GOLGA6L9: variants seen among roughly 807,000 people sequenced by gnomAD.
GOLGA6L9 encodes golgin A6 family like 9.
In GOLGA6L9, 19 loss-of-function variants were observed where a neutral mutation model predicts 51.3. That is an observed-to-expected ratio of 0.37 (90% CI 0.26 to 0.54). The LOEUF is 0.54. GOLGA6L9 is among the 20% of genes least tolerant of loss of function. The pLI, the probability that GOLGA6L9 is intolerant of heterozygous loss-of-function variation, is 0.83. For synonymous variants in GOLGA6L9, 97 were observed against 184.2 expected, an observed-to-expected ratio of 0.53 and a Z score of 3.83; for missense variants, 247 against 464.1, an observed-to-expected ratio of 0.53 and a Z score of 4.30.
the GOLGA6L9 span, chr15:82,418,784 T>C: frequency 6.6e-6 from 1 of 152,226 alleles, no homozygotes. Flanking sequence ...TGTTCATATT[T>C]TGAATAGGGT....
chr15:82,432,858 C>A lies in GOLGA6L9; in HGVS notation c.306C>A (p.Ser102=). The A allele has an allele frequency of 8.1e-6, 13 of 1,612,412 alleles. No homozygotes were observed. In the South Asian group the frequency reaches 1.4e-4, roughly 18 times the overall value. The change falls in exon 4 of 9, where the codon TCC becomes TCA. Residue 102 remains serine (S), a synonymous_variant. Transcript: ENST00000618348. ...TAGCAGTAGCCCTGGATTCAAGCTCCGCAATAATCAGTCAACTCACTGAAA... is the reference window on the plus strand; with the variant it reads ...TAGCAGTAGCCCTGGATTCAAGCTCAGCAATAATCAGTCAACTCACTGAAA... ...QELAVALDSS[S]AIISQLTENI...
chr15:82,416,004 G>A, the GOLGA6L9 span: 1 of 152,136 alleles, frequency 6.6e-6, no homozygotes, highest in Non-Finnish European at 1.5e-5. Flanking sequence ...GAACAAAAAA[G>A]AAAAAGAAAA....
chr15:82,418,119 G>A, the GOLGA6L9 span, among the ~76,000 whole-genome samples: 1 of 152,138 alleles, frequency 6.6e-6, no homozygotes, highest in Non-Finnish European at 1.5e-5. Flanking sequence ...GTTAAAGAGG[G>A]CTTCTTTCCC....
chr15:82,417,017 C>T, the GOLGA6L9 span, among the ~76,000 whole-genome samples: 17 of 152,180 alleles, frequency 1.1e-4, no homozygotes, highest in Non-Finnish European at 2.4e-4. Context: ...TCGTCTCCCC[C>T]ACCGTTGATC....
At chr15:82,427,308 T>TCTTTCTTTC (rs2031227396), upstream of GOLGA6L9, among the ~76,000 whole-genome samples, 1 of 88,588 alleles carries the variant, frequency 1.1e-5, no homozygotes, top group African/African-American at 8.3e-5. Flanking sequence ...CCTCCCTCCC[T>TCTTTCTTTC]CTCTTTCTTT....
Position 82,429,818 on chromosome 15 carries a change from T to TCCCCTCTCCCAGAGTGGGCGGCCC in GOLGA6L9, c.-261_-260insCCCTCTCCCAGAGTGGGCGGCCCC, listed in dbSNP as rs2031342713. On this transcript the variant is annotated 5_prime_UTR_variant, in exon 1 of 9. Transcript: ENST00000618348. The stretch of plus-strand genomic sequence containing the variant: ...CTCCCCTCTCCCAGAGTGGGCGGCC[T>TCCCCTCTCCCAGAGTGGGCGGCCC]CTCCCCTCTCTCTGAGTGGGCGGGG... 1.3e-5 allele frequency among the ~76,000 whole-genome samples: 2 copies of TCCCCTCTCCCAGAGTGGGCGGCCC among 151,892 alleles called. No individual in the cohort carries two copies. Among genetic ancestry groups the TCCCCTCTCCCAGAGTGGGCGGCCC allele is most frequent in the Non-Finnish European group, 2.9e-5 (2 of 67,960 alleles).
rs2031752101 is a variant in GOLGA6L9, at chr15:82,437,746, T to C, written c.*1335T>C. The stretch of plus-strand genomic sequence containing the variant: ...AAAAAGGAGTTTTAGTAGACAGTAT[T>C]ATACTACATTTGAAAATCAAGGAGC... On this transcript the variant is annotated 3_prime_UTR_variant, in exon 9 of 9. Transcript: ENST00000618348. The C allele has an allele frequency of 6.7e-6, 1 of 150,308 alleles. No homozygotes were observed. The highest frequency in any genetic ancestry group is 2.1e-4 in the South Asian group (1 of 4,788). The allele number at this position is 150,308 out of a possible 1,614,324, so 9.3% of individuals were successfully genotyped here.
upstream of GOLGA6L9, among the ~76,000 whole-genome samples, chr15:82,429,020 A>C (rs1436730877): frequency 6.6e-6 from 1 of 152,150 alleles, no homozygotes; most frequent in Non-Finnish European, 1.5e-5. Context: ...AAAGAGCTTT[A>C]AGTGCTTATT....
chr15:82,418,177 G>T, the GOLGA6L9 span, among the ~76,000 whole-genome samples: 10 of 152,284 alleles, frequency 6.6e-5, no homozygotes, highest in Admixed American at 6.5e-4. Context: ...TAAGGTGAAT[G>T]GTCTACAGTA....
upstream of GOLGA6L9, among the ~76,000 whole-genome samples, chr15:82,427,201 CTTTCTTTCTTTTCCTTG>C (rs1397545028): frequency 6.8e-6 from 1 of 147,026 alleles, no homozygotes. Flanking sequence ...TTTCCTTTCC[CTTTCTTTCTTTTCCTTG>C]TTTCTTTCTT....
chr15:82,419,192 C>CT, the GOLGA6L9 span: 2 of 249,718 alleles, frequency 8.0e-6, no homozygotes, highest in Non-Finnish European at 8.1e-6. Flanking sequence ...TGTATGTTTC[C>CT]TTTTTTCTTT....
At chr15:82,432,529 A>T (rs1178956363) in intron 2 of GOLGA6L9, 43 bp from the exon 3 acceptor site, 34 of 1,594,804 alleles carry the variant, frequency 2.1e-5, no homozygotes, top group Non-Finnish European at 1.7e-6. Flanking sequence ...TTAGACAGTG[A>T]GGGGGGACAG....
At chr15:82,429,477 G>A (rs1308103610), upstream of GOLGA6L9, among the ~76,000 whole-genome samples, 1 of 152,182 alleles carries the variant, frequency 6.6e-6, no homozygotes, top group African/African-American at 2.4e-5. Context: ...CCAAAAAAGA[G>A]AAATTGTTGT....
chr15:82,417,073 C>G, the GOLGA6L9 span, among the ~76,000 whole-genome samples: 1 of 152,150 alleles, frequency 6.6e-6, no homozygotes, highest in Non-Finnish European at 1.5e-5. Context: ...TTTGCCTATC[C>G]TGGACATTTC....
upstream of GOLGA6L9, among the ~76,000 whole-genome samples, chr15:82,425,823 T>C (rs2150823270): frequency 7.0e-6 from 1 of 143,404 alleles, no homozygotes; most frequent in African/African-American, 2.7e-5. Flanking sequence ...ATAGTATGTA[T>C]GGTATGCTAC....
intron 3 of GOLGA6L9, 54 bp from the exon 4 acceptor site, chr15:82,432,763 C>G: frequency 2.0e-6 from 3 of 1,535,490 alleles, no homozygotes; most frequent in South Asian, 2.3e-5. Flanking sequence ...TGATTATTCT[C>G]TCTACCCCTC....
At position 82,436,449 on chromosome 15, in the gene GOLGA6L9, T is replaced by G. The variant is rs1353479697; in HGVS notation, c.*38T>G. On this transcript the variant is annotated 3_prime_UTR_variant, in exon 9 of 9. Transcript: ENST00000618348. ...AAATTGAAAAAAAAAAACAAAACAT[T>G]TAAGGGGTTAATATCCTACACAATT... 433 of 1,501,442 alleles carry G rather than the reference T, an allele frequency of 2.9e-4. 12 individuals are homozygous for G. In the African/African-American group the frequency reaches 5.3e-3, roughly 18 times the overall value. The allele number at this position is 1,501,442 out of a possible 1,614,324, so 93.0% of individuals were successfully genotyped here.
chr15:82,422,148 AG>A, the GOLGA6L9 span, among the ~76,000 whole-genome samples: 1 of 151,672 alleles, frequency 6.6e-6, no homozygotes, highest in Admixed American at 6.6e-5. Context: ...TTGTAGGGGG[AG>A]GGAGATCAGA....
upstream of GOLGA6L9, among the ~76,000 whole-genome samples, chr15:82,428,927 G>A (rs1210778301): frequency 6.7e-6 from 1 of 150,306 alleles, no homozygotes; most frequent in Non-Finnish European, 1.5e-5. Flanking sequence ...CAGGTATCAA[G>A]TGAGAAATTC....
Sources: allele counts gnomAD v4.1 joint callset (sites outside exome capture counted in the v4.1 genomes callset), GRCh38; gene constraint gnomAD v4.1.1; transcripts MANE v1.5; gene names NCBI Gene and HGNC (gene_info 2026-07-23, HGNC 2026-07-21).